The following ADAM23 variants were observed in gnomAD, a reference collection of about 807,000 sequenced individuals.
The protein encoded by ADAM23 is ADAM metallopeptidase domain 23, also known as disintegrin and metalloproteinase domain-containing protein 23.
Under a neutral mutation model 120.1 loss-of-function variants are expected in ADAM23, and 33 were observed. That is an observed-to-expected ratio of 0.27 (90% CI 0.21 to 0.37). The LOEUF (loss-of-function observed/expected upper bound fraction) is 0.37, where lower values mean the gene tolerates loss of function less well. ADAM23 is among the 10% of genes least tolerant of loss of function. ADAM23 has a pLI of 1.00. For synonymous variants in ADAM23, 367 were observed against 375.2 expected (o/e 0.98, Z 0.25); for missense variants, 862 against 1,058.2 (o/e 0.81, Z 2.57).
chr2:206,535,517 A>G (rs1024411450), intron 4 of ADAM23, among the ~76,000 whole-genome samples: 1 of 152,222 alleles, frequency 6.6e-6, no homozygotes, highest in Non-Finnish European at 1.5e-5. Context: ...AAATGTTCAT[A>G]ACATTATTCA....
Position 206,492,458 on chromosome 2 carries a change from A to G in ADAM23, c.509+11150A>G, listed in dbSNP as rs927271503. On this transcript the variant is annotated intron_variant, in intron 3 of 25. Transcript: ENST00000264377. Reference sequence around the variant, plus strand: ...GCCTTGGAGAGTTGAGACATTATCTAATTCGTTTGTGCTGCTATAACAAAA... The same window carrying G: ...GCCTTGGAGAGTTGAGACATTATCTGATTCGTTTGTGCTGCTATAACAAAA... Among the ~76,000 whole-genome samples the G allele has an allele frequency of 2.0e-5, 3 of 152,224 alleles. No homozygotes were observed. The East Asian group carries it at 5.8e-4, about 29-fold the overall frequency.
At chr2:206,609,396 TC>T (rs1419742125) in intron 24 of ADAM23, among the ~76,000 whole-genome samples, 1 of 152,238 alleles carries the variant, frequency 6.6e-6, no homozygotes, top group Non-Finnish European at 1.5e-5. Flanking sequence ...TGTATTGACT[TC>T]CTTCTGACTG....
intron 13 of ADAM23, 49 bp downstream of exon 13, chr2:206,562,342 A>G (rs1187552018): frequency 7.6e-7 from 1 of 1,324,226 alleles, no homozygotes; most frequent in African/African-American, 1.4e-5. Context: ...TTCTGTCTGT[A>G]TAATGCATGT....
chr2:206,474,631 G>A (rs1339210652), intron 2 of ADAM23, among the ~76,000 whole-genome samples: 10 of 152,146 alleles, frequency 6.6e-5, no homozygotes, highest in Non-Finnish European at 1.5e-4. Flanking sequence ...ACTGAGTGCA[G>A]TGGCATGATC....
At chr2:206,449,816 C>T (rs1031604490) in intron 2 of ADAM23, among the ~76,000 whole-genome samples, 1 of 152,116 alleles carries the variant, frequency 6.6e-6, no homozygotes, top group Admixed American at 6.6e-5. Context: ...ATATCATGCT[C>T]CCTTAGGATT....
intron 4 of ADAM23, 30 bp from the exon 5 acceptor site, chr2:206,542,022 T>C: frequency 6.2e-7 from 1 of 1,610,604 alleles, no homozygotes; most frequent in African/African-American, 1.3e-5. Flanking sequence ...ATGCATAAAA[T>C]ACAACCAATC....
intron 25 of ADAM23, among the ~76,000 whole-genome samples, chr2:206,612,757 C>T (rs891741338): frequency 2.0e-5 from 3 of 152,070 alleles, no homozygotes; most frequent in Admixed American, 6.6e-5. Flanking sequence ...CTATTATTTC[C>T]TCTGAAATAG....
chr2:206,472,780 A>G (rs1043569316), intron 2 of ADAM23, among the ~76,000 whole-genome samples: 34 of 152,178 alleles, frequency 2.2e-4, no homozygotes, highest in African/African-American at 7.0e-4. Flanking sequence ...TTTTTTCTGT[A>G]CCATCAGATC....
chr2:206,508,269 G>A (rs1019186363), intron 3 of ADAM23, among the ~76,000 whole-genome samples: 42 of 152,194 alleles, frequency 2.8e-4, no homozygotes, highest in East Asian at 7.8e-4. Flanking sequence ...CTCGTGATCC[G>A]CCCACCTTGG....
At chr2:206,476,013 A>C (rs1289011164) in intron 2 of ADAM23, among the ~76,000 whole-genome samples, 2 of 152,210 alleles carry the variant, frequency 1.3e-5, no homozygotes, top group Admixed American at 6.5e-5. Context: ...CAGACATAGA[A>C]TAAACATTGT....
intron 3 of ADAM23, among the ~76,000 whole-genome samples, chr2:206,515,479 T>C (rs2105785838): frequency 6.6e-6 from 1 of 152,246 alleles, no homozygotes; most frequent in South Asian, 2.1e-4. Context: ...TGCTCCTGTG[T>C]CCTTCCATAG....
chr2:206,450,728 A>G (rs1415934869), intron 2 of ADAM23, among the ~76,000 whole-genome samples: 3 of 152,216 alleles, frequency 2.0e-5, no homozygotes, highest in Non-Finnish European at 2.9e-5. Flanking sequence ...GATAATCAAG[A>G]GCTGGTAGTT....
At chr2:206,608,630 T>G (rs1313379383) in intron 24 of ADAM23, among the ~76,000 whole-genome samples, 1 of 151,956 alleles carries the variant, frequency 6.6e-6, no homozygotes, top group Non-Finnish European at 1.5e-5. Flanking sequence ...AGACGGTCAG[T>G]GGTTAGTCTT....
chr2:206,566,073 G>A (rs1574537772), intron 14 of ADAM23, among the ~76,000 whole-genome samples: 1 of 151,888 alleles, frequency 6.6e-6, no homozygotes, highest in South Asian at 2.1e-4. Flanking sequence ...GGCTTTTTGA[G>A]GACTACTATA....
Position 206,595,996 on chromosome 2 carries a change from C to G in ADAM23, c.2248-55C>G, listed in dbSNP as rs1451128467. On this transcript the variant is annotated intron_variant, in intron 23 of 25. Coordinates refer to ENST00000264377, the MANE Select transcript of ADAM23 (RefSeq NM_003812.4). ...CCCCGTGTCTCTTTTACATTTATCA[C>G]TATTATTCTACAAAATACAGTGAAA... 57 of 1,384,502 alleles carry G rather than the reference C, an allele frequency of 4.1e-5. No homozygotes were observed. The East Asian group carries it at 1.3e-3, about 32-fold the overall frequency. 85.8% of individuals were successfully genotyped at this position (1,384,502 alleles called of 1,614,324 possible).
intron 2 of ADAM23, among the ~76,000 whole-genome samples, chr2:206,473,582 A>G (rs1047290565): frequency 8.0e-5 from 12 of 149,942 alleles, no homozygotes; most frequent in Non-Finnish European, 1.8e-4. Context: ...AAATAATAAT[A>G]ATAATAATAA....
At chr2:206,501,967 C>T (rs1696396604) in intron 3 of ADAM23, among the ~76,000 whole-genome samples, 1 of 152,038 alleles carries the variant, frequency 6.6e-6, no homozygotes, top group African/African-American at 2.4e-5. Flanking sequence ...TTAGTATCTT[C>T]TTTACAGAAA....
At chr2:206,541,188 G>A (rs983974503) in intron 4 of ADAM23, among the ~76,000 whole-genome samples, 2 of 151,048 alleles carry the variant, frequency 1.3e-5, no homozygotes, top group African/African-American at 2.4e-5. Flanking sequence ...AAAAATAAAA[G>A]TGTCACAGAG....
chr2:206,521,742 A>G (rs116284834), intron 3 of ADAM23, among the ~76,000 whole-genome samples: 25 of 152,278 alleles, frequency 1.6e-4, no homozygotes, highest in Non-Finnish European at 3.2e-4. Context: ...AGCTGCTCTC[A>G]CCTACATCAT....
Sources: allele counts gnomAD v4.1 joint callset (sites outside exome capture counted in the v4.1 genomes callset), GRCh38; gene constraint gnomAD v4.1.1; transcripts MANE v1.5; gene names NCBI Gene and HGNC (gene_info 2026-07-23, HGNC 2026-07-21).